EPHA2: variants seen among roughly 807,000 people sequenced by gnomAD.
EPHA2 encodes EPH receptor A2.
In EPHA2, 54 loss-of-function variants were observed where a neutral mutation model predicts 104.9. The ratio of observed to expected loss-of-function variants is 0.51; its 90% CI spans 0.41 to 0.65. EPHA2 has a LOEUF of 0.65. Among genes scored for constraint, EPHA2 ranks in the 30% least tolerant of loss-of-function variants. The pLI is 0.00. For missense variants in EPHA2, 1,117 were observed against 1,369.5 expected (o/e 0.82, Z 2.91); for synonymous variants, 560 against 559.1 (o/e 1.00, Z -0.02).
At position 16,150,173 on chromosome 1, in the gene EPHA2, T is replaced by C. The variant is rs1054836167; in HGVS notation, c.153+723A>G. Among the ~76,000 whole-genome samples the C allele has an allele frequency of 6.6e-6, 1 of 152,126 alleles. No individual in the cohort carries two copies. Among genetic ancestry groups the C allele is most frequent in the Admixed American group, 6.5e-5 (1 of 15,276 alleles). The stretch of plus-strand genomic sequence containing the variant: ...CAGATCTGGCCAGCTCTGGGAACTA[T>C]TCCAAGTAGCCCCTGGGAGACAGCC... On this transcript the variant is annotated intron_variant, in intron 2 of 16. Coordinates refer to ENST00000358432, the MANE Select transcript of EPHA2 (RefSeq NM_004431.5). This position sits in a 1 kb window ranked among gnomAD's most constrained non-coding sequence, Gnocchi z 4.8.
intron 1 of EPHA2, 133 bp from the exon 2 acceptor site, chr1:16,151,096 C>A: frequency 1.3e-6 from 1 of 798,376 alleles, no homozygotes; most frequent in Non-Finnish European, 2.1e-6. Context: ...CACAGGGTCA[C>A]CATATCCAAG....
chr1:16,153,228 T>G (rs1387964113), intron 1 of EPHA2: 1 of 985,242 alleles, frequency 1.0e-6, no homozygotes, highest in African/African-American at 1.7e-5. Flanking sequence ...CTTCCACAAA[T>G]GCAGGACTGC....
rs868192316 is a variant in EPHA2, at chr1:16,128,830, G to A, written c.2825+604C>T. 6.6e-6 allele frequency among the ~76,000 whole-genome samples: 1 copy of A among 152,186 alleles called. No individual in the cohort carries two copies. Among genetic ancestry groups the A allele is most frequent in the African/African-American group, 2.4e-5 (1 of 41,450 alleles). ...GCAGGCTGAGAGCCAACCAAGTGGAGAGAGGTGCCCGGGGTAGGCCAGGGG... is the reference window on the plus strand; with the variant it reads ...GCAGGCTGAGAGCCAACCAAGTGGAAAGAGGTGCCCGGGGTAGGCCAGGGG... On this transcript the variant is annotated intron_variant, in intron 16 of 16. Transcript: ENST00000358432. This position sits in a 1 kb window ranked among gnomAD's most constrained non-coding sequence, Gnocchi z 4.7.
In EPHA2 at chr1:16,155,849, T is replaced by G; in HGVS notation, c.84A>C (p.Glu28Asp). The G allele has an allele frequency of 4.9e-6, 7 of 1,442,990 alleles. No homozygotes were observed. The highest frequency in any genetic ancestry group is 6.3e-6 in the Non-Finnish European group (7 of 1,102,694). The allele number at this position is 1,442,990 out of a possible 1,614,324, so 89.4% of individuals were successfully genotyped here. A position where few individuals can be genotyped will look rare whatever the true frequency, so the allele number is the denominator to read the frequency against. Residue 28 changes from glutamate (E) to aspartate (D), a missense_variant and splice_region_variant, in exon 1 of 17, where the codon GAA becomes GAC. Glu to Asp is a conservative substitution (Grantham distance 45). This residue lies in a region of EPHA2 where 664 missense variants were observed against 784.8 expected (regional missense o/e 0.85). Transcript: ENST00000358432. ...GGTCCAGACGCCGCGCGCACTCACC[T>G]TCCTTGCCCTGCGCCGCCGCGGCCG... The part of the protein sequence containing the change: ...LAAAAAAQGK[E>D]VVLLDFAAAG...
chr1:16,130,151 C>T lies in EPHA2; in HGVS notation c.2669+75G>A. On this transcript the variant is annotated intron_variant, in intron 15 of 16. Coordinates refer to ENST00000358432, the MANE Select transcript of EPHA2 (RefSeq NM_004431.5). This position sits in a 1 kb window ranked among gnomAD's most constrained non-coding sequence, Gnocchi z 4.5. ...CCCCCTACCAGCTTCACCTGGGTGG[C>T]CACTCTACCGAAGTGGTTCAAGAGT... The T allele has an allele frequency of 6.3e-7, 1 of 1,597,590 alleles. No homozygotes were observed. The highest frequency in any genetic ancestry group is 8.6e-7 in the Non-Finnish European group (1 of 1,166,478).
Position 16,134,952 on chromosome 1 carries a change from T to C in EPHA2, c.1582+84A>G. On this transcript the variant is annotated intron_variant, in intron 7 of 16. Coordinates refer to ENST00000358432, the MANE Select transcript of EPHA2 (RefSeq NM_004431.5). The surrounding 1 kb of genome is among the most constrained non-coding windows in gnomAD (Gnocchi z 4.5). ...CCGAGAAAGGGGCATTTCTAAGTTA[T>C]TTGATTCACTTCCTTTCCCAAGATG... is the stretch of plus-strand genomic sequence containing the variant. 1.3e-6 allele frequency: 2 copies of C among 1,583,234 alleles called. No homozygotes were observed. Among genetic ancestry groups the C allele is most frequent in the African/African-American group, 1.3e-5 (1 of 74,544 alleles).
Position 16,150,598 on chromosome 1 carries a change from C to G in EPHA2, c.153+298G>C, listed in dbSNP as rs2025015259. ...TGGGTGGTGCCAGAGATCCCTCTGA[C>G]TGTCAGCCCTTCTGGAACATGGAAG... On this transcript the variant is annotated intron_variant, in intron 2 of 16. Coordinates refer to ENST00000358432, the MANE Select transcript of EPHA2 (RefSeq NM_004431.5). This position sits in a 1 kb window ranked among gnomAD's most constrained non-coding sequence, Gnocchi z 4.8. Among the ~76,000 whole-genome samples the G allele has an allele frequency of 6.6e-6, 1 of 152,214 alleles. No individual in the cohort carries two copies. The highest frequency in any genetic ancestry group is 2.4e-5 in the African/African-American group (1 of 41,450).
intron 3 of EPHA2, among the ~76,000 whole-genome samples, chr1:16,140,162 ACT>A (rs2024795794): frequency 6.6e-6 from 1 of 151,974 alleles, no homozygotes; most frequent in South Asian, 2.1e-4. Context: ...CCTGCTGATG[ACT>A]CTGCTCTCAG....
chr1:16,135,338 C>T lies in EPHA2; in HGVS notation c.1429-149G>A, dbSNP rs13375644. On this transcript the variant is annotated intron_variant, in intron 6 of 16. Transcript: ENST00000358432. The surrounding 1 kb of genome is among the most constrained non-coding windows in gnomAD (Gnocchi z 4.3). ...TCTTACAGAGGAGGAAACTGAGGCTCGGAATTAAGTGACTCACTCAAGGTC... is the reference window on the plus strand; with the variant it reads ...TCTTACAGAGGAGGAAACTGAGGCTTGGAATTAAGTGACTCACTCAAGGTC... 0.083 allele frequency: 88,327 copies of T among 1,065,972 alleles called. 9,079 individuals carry two copies. The highest frequency in any genetic ancestry group is 0.46 in the African/African-American group (29,136 of 63,524). The allele number at this position is 1,065,972 out of a possible 1,614,324, so 66.0% of individuals were successfully genotyped here.
At position 16,130,690 on chromosome 1, in the gene EPHA2, C is replaced by T. The variant is rs1451591455; in HGVS notation, c.2476-271G>A. 3.3e-5 allele frequency among the ~76,000 whole-genome samples: 5 copies of T among 151,788 alleles called. No individual in the cohort carries two copies. Among genetic ancestry groups the T allele is most frequent in the Middle Eastern group, 6.8e-3 (2 of 292 alleles). On this transcript the variant is annotated intron_variant, in intron 14 of 16. Coordinates refer to ENST00000358432, the MANE Select transcript of EPHA2 (RefSeq NM_004431.5). This position sits in a 1 kb window ranked among gnomAD's most constrained non-coding sequence, Gnocchi z 4.5. ...TGTCACCCAGGCTAGAGTGCAGTGG[C>T]GCTATCACACCTCACGGCAGCCTCA...
At position 16,148,481 on chromosome 1, in the gene EPHA2, A is replaced by AC. The variant is rs1412658647; in HGVS notation, c.719dup (p.Glu241Ter). The AC allele has an allele frequency of 1.2e-6, 2 of 1,613,178 alleles. No homozygotes were observed. Among genetic ancestry groups the AC allele is most frequent in the Non-Finnish European group, 8.5e-7 (1 of 1,179,926 alleles). On this transcript the variant is annotated frameshift_variant, in exon 3 of 17. Coordinates refer to ENST00000358432, the MANE Select transcript of EPHA2 (RefSeq NM_004431.5). LOFTEE classifies it high-confidence loss of function. This position sits in a 1 kb window ranked among gnomAD's most constrained non-coding sequence, Gnocchi z 4.9. Reference sequence around the variant, plus strand: ...CTGCACAGTGCATACGGGGCTCTTCACCCCCCGGTGGCACCACGGCATGGT... The same window carrying AC: ...CTGCACAGTGCATACGGGGCTCTTCACCCCCCCGGTGGCACCACGGCATGGT...
Position 16,125,128 on chromosome 1 carries a change from C to A in EPHA2, c.*87G>T. 1 of 1,220,812 alleles carries A rather than the reference C, an allele frequency of 8.2e-7. No individual in the cohort carries two copies. The allele number at this position is 1,220,812 out of a possible 1,614,324, so 75.6% of individuals were successfully genotyped here. On this transcript the variant is annotated 3_prime_UTR_variant, in exon 17 of 17. Coordinates refer to ENST00000358432, the MANE Select transcript of EPHA2 (RefSeq NM_004431.5). The surrounding 1 kb of genome is among the most constrained non-coding windows in gnomAD (Gnocchi z 4.9). ...GGAAAGAACTAGAAATAAATAAAGT[C>A]CCCAGTGGCCCAGCATGGCACAGCA...
chr1:16,134,622 A>G lies in EPHA2; in HGVS notation c.1583-55T>C. On this transcript the variant is annotated intron_variant, in intron 7 of 16. Transcript: ENST00000358432. This position sits in a 1 kb window ranked among gnomAD's most constrained non-coding sequence, Gnocchi z 4.5. The stretch of plus-strand genomic sequence containing the variant: ...GAGTTCCCCCACAAATTACAGCAAC[A>G]CCCGCGCTGCACCCAAGACACCTGG... 1 of 1,569,618 alleles carries G rather than the reference A, an allele frequency of 6.4e-7. No homozygotes were observed. The highest frequency in any genetic ancestry group is 8.7e-7 in the Non-Finnish European group (1 of 1,148,668).
Position 16,125,237 on chromosome 1 carries a change from T to C in EPHA2, c.2909A>G (p.Asn970Ser). ...GGCTCAGATGGGGATCCCCACAGTG[T>C]TCACCTGGTCCTTGAGTCCCAGCAG... is the stretch of plus-strand genomic sequence containing the variant. ...YSLLGLKDQV[N>S]TVGIPI Residue 970 changes from asparagine to serine, a missense_variant, in exon 17 of 17, where the codon AAC becomes AGC. Physicochemically the swap from Asn to Ser is conservative, Grantham distance 46 (BLOSUM62 1). Transcript: ENST00000358432. This position sits in a 1 kb window ranked among gnomAD's most constrained non-coding sequence, Gnocchi z 4.9. 1 of 1,614,022 alleles carries C rather than the reference T, an allele frequency of 6.2e-7. No homozygotes were observed. The highest frequency in any genetic ancestry group is 8.5e-7 in the Non-Finnish European group (1 of 1,180,008).
Position 16,148,453 on chromosome 1 carries a change from C to T in EPHA2, c.748G>A (p.Asp250Asn), listed in dbSNP as rs371097258. The T allele has an allele frequency of 9.3e-6, 15 of 1,613,922 alleles. No homozygotes were observed. The African/African-American group carries it at 2.0e-4, about 21-fold the overall frequency. The change falls in exon 3 of 17, where the codon GAT becomes AAT. Residue 250 changes from aspartate to asparagine, a missense_variant. By Grantham distance (23) the Asp-to-Asn change is conservative. Around this residue, in one of 3 missense-constraint regions of EPHA2, gnomAD observed 664 missense variants for 784.8 expected, o/e 0.85. Coordinates refer to ENST00000358432, the MANE Select transcript of EPHA2 (RefSeq NM_004431.5). The surrounding 1 kb of genome is among the most constrained non-coding windows in gnomAD (Gnocchi z 4.9). ...CCAATGGGCACCAGCCACTCGCCATCCACTGCACAGTGCATACGGGGCTCT... is the reference window on the plus strand; with the variant it reads ...CCAATGGGCACCAGCCACTCGCCATTCACTGCACAGTGCATACGGGGCTCT... ...GEEPRMHCAVDGEWLVPIGQC... is the reference protein window; with the variant it reads ...GEEPRMHCAVNGEWLVPIGQC...
At chr1:16,154,477 G>A (rs1445575202) in intron 1 of EPHA2, among the ~76,000 whole-genome samples, 1 of 152,108 alleles carries the variant, frequency 6.6e-6, no homozygotes, top group East Asian at 1.9e-4. Flanking sequence ...AAACAGGCCG[G>A]GGGTGGTGGC....
intron 11 of EPHA2, 146 bp downstream of exon 11, chr1:16,133,034 G>C: frequency 3.5e-6 from 4 of 1,138,228 alleles, no homozygotes; most frequent in Non-Finnish European, 3.8e-6. Context: ...ACAGGTATTG[G>C]GGAGAAGTGG....
rs377594064 is a variant in EPHA2, at chr1:16,150,876, C to G, written c.153+20G>C. 1 of 1,614,044 alleles carries G rather than the reference C, an allele frequency of 6.2e-7. No homozygotes were observed. The highest frequency in any genetic ancestry group is 1.7e-5 in the Admixed American group (1 of 60,020). The stretch of plus-strand genomic sequence containing the variant: ...GCAGCCCCATTCTCACACCTCTCCC[C>G]ACCCCGAAGGCTTACATACCCCTTT... On this transcript the variant is annotated intron_variant, in intron 2 of 16. Coordinates refer to ENST00000358432, the MANE Select transcript of EPHA2 (RefSeq NM_004431.5). This position sits in a 1 kb window ranked among gnomAD's most constrained non-coding sequence, Gnocchi z 4.8.
At position 16,133,359 on chromosome 1, in the gene EPHA2, C is replaced by G; in HGVS notation, c.1874G>C (p.Gly625Ala). 6.2e-7 allele frequency: 1 copy of G among 1,613,858 alleles called. No individual in the cohort carries two copies. Among genetic ancestry groups the G allele is most frequent in the Non-Finnish European group, 8.5e-7 (1 of 1,179,956 alleles). Reference protein sequence around the residue: ...RQKVIGAGEFGEVYKGMLKTS... With the variant: ...RQKVIGAGEFAEVYKGMLKTS... Reference sequence around the variant, plus strand: ...CTTCAGCATGCCCTTGTACACCTCCCCAAACTCTCCTGTGGGCAGACAGGG... The same window carrying G: ...CTTCAGCATGCCCTTGTACACCTCCGCAAACTCTCCTGTGGGCAGACAGGG... Residue 625 changes from glycine to alanine, a missense_variant, in exon 11 of 17, where the codon GGG (glycine) becomes GCG (alanine). Physicochemically the swap from Gly to Ala is moderately conservative, Grantham distance 60. Coordinates refer to ENST00000358432, the MANE Select transcript of EPHA2 (RefSeq NM_004431.5).
Sources: gnomAD v4.1 joint callset for allele counts (sites outside exome capture counted in the v4.1 genomes callset) on GRCh38, gnomAD v4.1.1 for gene constraint, gnomAD v4.1.1 regional missense constraint, Gnocchi (gnomAD v3.1) non-coding constraint, MANE v1.5 for transcripts, NCBI Gene and HGNC (gene_info 2026-07-23, HGNC 2026-07-21) for gene names.